Variants in SUMF1 observed in about 807,000 individuals in gnomAD.
The protein encoded by SUMF1 is formylglycine-generating enzyme.
Under a neutral mutation model 47.6 loss-of-function variants are expected in SUMF1, and 48 were observed. The ratio of observed to expected loss-of-function variants is 1.01; its 90% CI spans 0.80 to 1.28. The LOEUF (loss-of-function observed/expected upper bound fraction) is 1.28, where lower values mean the gene tolerates loss of function less well. Ranked by LOEUF, SUMF1 falls within the 50% of genes most tolerant of loss-of-function variation. SUMF1 has a pLI of 0.00. For synonymous variants in SUMF1, 230 were observed against 192.1 expected, an observed-to-expected ratio of 1.20 and a Z score of -1.63; for missense variants, 571 against 485.4, an observed-to-expected ratio of 1.18 and a Z score of -1.66.
At chr3:4,372,894 C>A (rs1400040707) in intron 8 of SUMF1, among the ~76,000 whole-genome samples, 1 of 152,238 alleles carries the variant, frequency 6.6e-6, no homozygotes, top group South Asian at 2.1e-4. Flanking sequence ...ACAGATATAA[C>A]CAGACTGATG....
chr3:4,244,325 G>C (rs1044225212), intron 8 of SUMF1, among the ~76,000 whole-genome samples: 32 of 152,206 alleles, frequency 2.1e-4, no homozygotes, highest in African/African-American at 7.0e-4. Context: ...TATTTCACCT[G>C]TTAATTGATG....
chr3:4,214,527 G>A (rs549821687), intron 8 of SUMF1, among the ~76,000 whole-genome samples: 2 of 152,218 alleles, frequency 1.3e-5, no homozygotes, highest in African/African-American at 4.8e-5. Flanking sequence ...AAATTCAAAA[G>A]CGAGCAGAAG....
intron 8 of SUMF1, among the ~76,000 whole-genome samples, chr3:4,135,157 G>C (rs1406114044): frequency 6.6e-6 from 1 of 152,090 alleles, no homozygotes; most frequent in Admixed American, 6.6e-5. Flanking sequence ...AAGCCTGGCA[G>C]AGACACAACA....
intron 8 of SUMF1, among the ~76,000 whole-genome samples, chr3:4,198,309 G>C (rs1274392712): frequency 6.6e-6 from 1 of 152,080 alleles, no homozygotes; most frequent in African/African-American, 2.4e-5. Context: ...CCATGTCTAA[G>C]TGTGTGACAC....
intron 8 of SUMF1, among the ~76,000 whole-genome samples, chr3:4,128,711 TAAATTAG>T (rs1042815031): frequency 6.6e-6 from 1 of 152,134 alleles, no homozygotes; most frequent in African/African-American, 2.4e-5. Flanking sequence ...AGAGTTTATA[TAAATTAG>T]AAATTAGAAA....
chr3:4,186,369 A>C (rs956945691), intron 8 of SUMF1, among the ~76,000 whole-genome samples: 1 of 152,138 alleles, frequency 6.6e-6, no homozygotes, highest in African/African-American at 2.4e-5. Context: ...GGGGGAGGTG[A>C]GCTGCATTGG....
At chr3:4,251,930 C>A (rs541211434) in intron 8 of SUMF1, among the ~76,000 whole-genome samples, 1 of 152,284 alleles carries the variant, frequency 6.6e-6, no homozygotes, top group African/African-American at 2.4e-5. Context: ...ACTTAACAGA[C>A]CTACAGTAGT....
intron 8 of SUMF1, among the ~76,000 whole-genome samples, chr3:4,287,121 A>G (rs1007032490): frequency 6.6e-6 from 1 of 152,164 alleles, no homozygotes; most frequent in Non-Finnish European, 1.5e-5. Context: ...AATGTGTGCT[A>G]TATGTTCCTG....
chr3:4,318,767 G>T (rs187812233), intron 8 of SUMF1, among the ~76,000 whole-genome samples: 26 of 152,280 alleles, frequency 1.7e-4, no homozygotes, highest in Admixed American at 1.7e-3. Flanking sequence ...AATAAGCTGG[G>T]CATAGTGGCA....
intron 8 of SUMF1, among the ~76,000 whole-genome samples, chr3:4,262,659 A>C (rs1362299337): frequency 2.0e-5 from 3 of 152,266 alleles, no homozygotes; most frequent in Non-Finnish European, 2.9e-5. Flanking sequence ...CCCAGCAGAA[A>C]GGCATGCCTC....
intron 8 of SUMF1, chr3:4,303,297 C>T (rs1489772204): frequency 4.1e-5 from 58 of 1,405,874 alleles, no homozygotes; most frequent in South Asian, 7.7e-5. Context: ...GGTGGGGCCA[C>T]GGGACCACAA....
chr3:4,133,671 T>C (rs977709625), intron 8 of SUMF1, among the ~76,000 whole-genome samples: 2 of 152,056 alleles, frequency 1.3e-5, no homozygotes, highest in African/African-American at 4.8e-5. Context: ...GCTGGATGCT[T>C]CCTGCCCTTG....
intron 8 of SUMF1, among the ~76,000 whole-genome samples, chr3:4,327,632 T>A (rs911258268): frequency 6.6e-6 from 1 of 151,892 alleles, no homozygotes; most frequent in African/African-American, 2.4e-5. Flanking sequence ...TTGGAACACA[T>A]ATTAATAACA....
intron 8 of SUMF1, among the ~76,000 whole-genome samples, chr3:4,209,134 A>G (rs889685637): frequency 1.3e-5 from 2 of 152,308 alleles, no homozygotes; most frequent in Non-Finnish European, 2.9e-5. Context: ...ATGGGATATT[A>G]TCCTTTTAAT....
intron 8 of SUMF1, among the ~76,000 whole-genome samples, chr3:4,370,637 C>A (rs559652897): frequency 5.0e-4 from 76 of 152,244 alleles, no homozygotes; most frequent in Middle Eastern, 3.4e-3. Context: ...AAGACATATA[C>A]AAGAGATTAT....
intron 8 of SUMF1, among the ~76,000 whole-genome samples, chr3:4,229,720 AAG>A (rs1034817638): frequency 6.6e-6 from 1 of 152,122 alleles, no homozygotes; most frequent in Non-Finnish European, 1.5e-5. Context: ...ACAACACTAA[AAG>A]AAACTTCAGA....
At chr3:4,262,802 T>C (rs1167520353) in intron 8 of SUMF1, among the ~76,000 whole-genome samples, 1 of 152,132 alleles carries the variant, frequency 6.6e-6, no homozygotes, top group Non-Finnish European at 1.5e-5. Context: ...AGGATCCTCC[T>C]AGATGTGTCA....
chr3:4,190,851 C>A (rs1994270), intron 8 of SUMF1, among the ~76,000 whole-genome samples: 48,432 of 151,956 alleles, frequency 0.32, 7,846 homozygotes, highest in East Asian at 0.39. Context: ...CACTTGAAAA[C>A]TACATATTGA....
At chr3:4,221,306 G>A (rs11915841) in intron 8 of SUMF1, among the ~76,000 whole-genome samples, 5,827 of 152,122 alleles carry the variant, frequency 0.038, 266 homozygotes, top group East Asian at 0.14. Context: ...GGACACTGAT[G>A]GATGGAGGTG....
Sources: allele counts gnomAD v4.1 joint callset (sites outside exome capture counted in the v4.1 genomes callset), GRCh38; gene constraint gnomAD v4.1.1; transcripts MANE v1.5; gene names NCBI Gene and HGNC (gene_info 2026-07-23, HGNC 2026-07-21).